Variants in MYRIP observed in about 807,000 individuals in gnomAD.
MYRIP encodes the protein myosin VIIA and Rab interacting protein.
MYRIP carries 49 observed loss-of-function variants against 98.0 expected under a neutral mutation model. That is an observed-to-expected ratio of 0.50 (90% confidence interval 0.40 to 0.63). MYRIP has a LOEUF of 0.63. MYRIP is among the 30% of genes least tolerant of loss of function. The pLI is 0.00. For synonymous variants in MYRIP, 404 were observed against 409.5 expected (o/e 0.99, Z 0.16); for missense variants, 1,004 against 1,058.2 (o/e 0.95, Z 0.71).
At chr3:39,938,848 G>A (rs1253263229) in intron 2 of MYRIP, among the ~76,000 whole-genome samples, 1 of 152,028 alleles carries the variant, frequency 6.6e-6, no homozygotes, top group South Asian at 2.1e-4. Flanking sequence ...TAATATAACA[G>A]ATGAGAAAGC....
At chr3:39,849,430 G>A (rs948452429) in intron 1 of MYRIP, among the ~76,000 whole-genome samples, 4 of 152,206 alleles carry the variant, frequency 2.6e-5, no homozygotes, top group Non-Finnish European at 5.9e-5. Flanking sequence ...TGGAAAAATT[G>A]TGCCAGGGTA....
chr3:39,919,650 C>T (rs911593762), intron 2 of MYRIP, among the ~76,000 whole-genome samples: 6 of 150,582 alleles, frequency 4.0e-5, no homozygotes, highest in Admixed American at 2.6e-4. Context: ...CTGAAGTAGG[C>T]CTGTAATGGC....
intron 1 of MYRIP, among the ~76,000 whole-genome samples, chr3:39,884,807 TTA>T (rs1324116711): frequency 8.4e-4 from 49 of 58,326 alleles, no homozygotes; most frequent in African/African-American, 1.8e-3. Context: ...ACAGTCATTA[TTA>T]TTTTTTTTTT....
intron 4 of MYRIP, among the ~76,000 whole-genome samples, chr3:40,160,099 C>T (rs1394080633): frequency 1.3e-5 from 2 of 152,282 alleles, no homozygotes; most frequent in South Asian, 2.1e-4. Flanking sequence ...AGTTTTTCTG[C>T]TCTGTTTTTC....
Position 40,044,187 on chromosome 3 carries a change from A to G in MYRIP, c.248A>G (p.Asp83Gly). 6.2e-7 allele frequency: 1 copy of G among 1,614,140 alleles called. No homozygotes were observed. The highest frequency in any genetic ancestry group is 8.5e-7 in the Non-Finnish European group (1 of 1,180,008). Residue 83 changes from aspartate (D) to glycine (G), a missense_variant, in exon 3 of 17, where the codon GAT becomes GGT. Physicochemically the swap from Asp to Gly is moderately conservative, Grantham distance 94. Coordinates refer to ENST00000302541, the MANE Select transcript of MYRIP (RefSeq NM_015460.4). ...FLVNTKRQCG[D>G]CKFNVCKSCC... ...GTCAACACCAAGCGCCAGTGTGGAG[A>G]TTGCAAATTCAATGTCTGCAAGAGC... is the stretch of plus-strand genomic sequence containing the variant.
chr3:40,125,779 T>C (rs1405598048), intron 3 of MYRIP, among the ~76,000 whole-genome samples: 1 of 152,180 alleles, frequency 6.6e-6, no homozygotes, highest in African/African-American at 2.4e-5. Context: ...TCCAGGCTTT[T>C]CTTCCTTCTC....
At chr3:40,051,879 T>TTTTA (rs1199905620) in intron 3 of MYRIP, among the ~76,000 whole-genome samples, 2 of 152,068 alleles carry the variant, frequency 1.3e-5, no homozygotes, top group South Asian at 2.1e-4. Context: ...CCACAGTATG[T>TTTTA]TTTATTTATT....
chr3:39,811,856 T>C (rs573752394), intron 1 of MYRIP, among the ~76,000 whole-genome samples: 2 of 152,282 alleles, frequency 1.3e-5, no homozygotes, highest in East Asian at 3.9e-4. Context: ...CATACTCAGC[T>C]CAGTCATTTA....
At chr3:39,932,767 C>CT (rs2125701455) in intron 2 of MYRIP, among the ~76,000 whole-genome samples, 1 of 152,278 alleles carries the variant, frequency 6.6e-6, no homozygotes, top group South Asian at 2.1e-4. Flanking sequence ...TACCTGCACT[C>CT]TTGTAGCCTA....
intron 1 of MYRIP, among the ~76,000 whole-genome samples, chr3:39,862,764 A>T (rs1942510616): frequency 6.6e-6 from 1 of 152,208 alleles, no homozygotes; most frequent in Non-Finnish European, 1.5e-5. Flanking sequence ...TTGGGACTTG[A>T]ACTTGACACT....
Position 40,218,598 on chromosome 3 carries a change from C to CACACATAT in MYRIP, c.1905+8506_1905+8507insCACATATA, listed in dbSNP as rs143584008. ...ACACATTTACACACACACACACACA[C>CACACATAT]ATATATATATATTTTATATATATAT... On this transcript the variant is annotated intron_variant, in intron 11 of 16. Coordinates refer to ENST00000302541, the MANE Select transcript of MYRIP (RefSeq NM_015460.4). Among the ~76,000 whole-genome samples, 11 of 14,216 alleles carry CACACATAT rather than the reference C, an allele frequency of 7.7e-4. 1 individual carries two copies. Among genetic ancestry groups the CACACATAT allele is most frequent in the East Asian group, 3.7e-3 (1 of 270 alleles). The allele number at this position is 14,216 out of a possible 152,430, so 9.3% of individuals were successfully genotyped here.
At chr3:39,971,788 C>G (rs1945589450) in intron 2 of MYRIP, among the ~76,000 whole-genome samples, 1 of 152,040 alleles carries the variant, frequency 6.6e-6, no homozygotes, top group Non-Finnish European at 1.5e-5. Flanking sequence ...ATGACAAGCA[C>G]TCCGTTCTGT....
At chr3:40,019,003 G>A (rs1241295678) in intron 2 of MYRIP, among the ~76,000 whole-genome samples, 4 of 152,044 alleles carry the variant, frequency 2.6e-5, no homozygotes, top group Non-Finnish European at 5.9e-5. Context: ...TCCCTTACCT[G>A]GTCTTCCCTG....
At chr3:39,810,126 C>T (rs1559481950) in intron 1 of MYRIP, among the ~76,000 whole-genome samples, 1 of 152,234 alleles carries the variant, frequency 6.6e-6, no homozygotes, top group Admixed American at 6.5e-5. Flanking sequence ...TGAACTTGCT[C>T]AGGGATCATC....
intron 11 of MYRIP, among the ~76,000 whole-genome samples, chr3:40,216,108 G>A (rs1952112310): frequency 6.6e-6 from 1 of 152,162 alleles, no homozygotes; most frequent in Non-Finnish European, 1.5e-5. Context: ...AGATGGACTG[G>A]GAAAGATTGC....
chr3:39,899,623 T>C (rs532443414), intron 1 of MYRIP, among the ~76,000 whole-genome samples: 1 of 152,290 alleles, frequency 6.6e-6, no homozygotes, highest in Non-Finnish European at 1.5e-5. Context: ...ATAGGGTATA[T>C]AAATTTTCAA....
intron 2 of MYRIP, among the ~76,000 whole-genome samples, chr3:39,916,913 C>T (rs1271367590): frequency 6.6e-6 from 1 of 151,906 alleles, no homozygotes; most frequent in Non-Finnish European, 1.5e-5. Context: ...ATACAACAGC[C>T]CAAGGGAAAA....
At chr3:40,223,545 G>A (rs1209891109) in intron 11 of MYRIP, among the ~76,000 whole-genome samples, 2 of 152,200 alleles carry the variant, frequency 1.3e-5, no homozygotes, top group Non-Finnish European at 2.9e-5. Flanking sequence ...GGGGAATAGG[G>A]ATGTAAGAAA....
chr3:40,109,619 A>T (rs1714417), intron 3 of MYRIP, among the ~76,000 whole-genome samples: 1 of 152,000 alleles, frequency 6.6e-6, no homozygotes, highest in African/African-American at 2.4e-5. Flanking sequence ...GGGAAGGTTG[A>T]TGTTGGGAAG....
Sources: gnomAD v4.1 joint callset for allele counts (sites outside exome capture counted in the v4.1 genomes callset) on GRCh38, gnomAD v4.1.1 for gene constraint, MANE v1.5 for transcripts, NCBI Gene and HGNC (gene_info 2026-07-23, HGNC 2026-07-21) for gene names.